The following DACH2 variants were observed in gnomAD, a reference collection of about 807,000 sequenced individuals.
DACH2 encodes dachshund homolog 2.
Under a neutral mutation model 35.8 loss-of-function variants are expected in DACH2, and 17 were observed. The ratio of observed to expected loss-of-function variants is 0.48; its 90% CI spans 0.33 to 0.71. The LOEUF (loss-of-function observed/expected upper bound fraction) is 0.71, where lower values mean the gene tolerates loss of function less well. DACH2 is among the 30% of genes least tolerant of loss of function. DACH2 has a pLI of 0.02. For synonymous variants in DACH2, 195 were observed against 177.3 expected, an observed-to-expected ratio of 1.10 and a Z score of -0.79; for missense variants, 469 against 472.7, an observed-to-expected ratio of 0.99 and a Z score of 0.07.
chrX:86,212,468 C>T (rs188141306), intron 1 of DACH2, among the ~76,000 whole-genome samples: 39 of 110,894 alleles, frequency 3.5e-4, no homozygotes, highest in African/African-American at 1.2e-3. Flanking sequence ...ATAACATATA[C>T]CTAATGTATG....
At chrX:86,735,302 T>C (rs2041583461) in intron 6 of DACH2, among the ~76,000 whole-genome samples, 2 of 111,633 alleles carry the variant, frequency 1.8e-5, no homozygotes, top group Non-Finnish European at 3.8e-5. Flanking sequence ...TCTATGAACA[T>C]GGTCAGAGTT....
intron 3 of DACH2, among the ~76,000 whole-genome samples, chrX:86,563,494 A>G (rs1166168885): frequency 9.0e-6 from 1 of 111,180 alleles, no homozygotes; most frequent in Non-Finnish European, 1.9e-5. Context: ...AATTAATTTG[A>G]AAATGTAATA....
At chrX:86,811,770 T>C (rs772324698) in intron 7 of DACH2, among the ~76,000 whole-genome samples, 155 of 112,211 alleles carry the variant, frequency 1.4e-3, no homozygotes, top group African/African-American at 4.8e-3. Flanking sequence ...ATCTAATTCG[T>C]ACAGGTCATA....
intron 1 of DACH2, among the ~76,000 whole-genome samples, chrX:86,206,656 T>A (rs2032320127): frequency 8.9e-6 from 1 of 112,291 alleles, no homozygotes; most frequent in Non-Finnish European, 1.9e-5. Flanking sequence ...CATGGCAAAG[T>A]CATTTAGCCT....
chrX:86,364,900 C>T (rs776497525), intron 1 of DACH2, among the ~76,000 whole-genome samples: 2 of 110,960 alleles, frequency 1.8e-5, no homozygotes, highest in African/African-American at 6.5e-5. Flanking sequence ...AAAGAAGATG[C>T]TCATGTGTTA....
intron 2 of DACH2, among the ~76,000 whole-genome samples, chrX:86,476,335 C>T (rs1365441415): frequency 9.0e-6 from 1 of 111,339 alleles, no homozygotes; most frequent in East Asian, 2.8e-4. Context: ...CTTTTTATTA[C>T]AGCTTGTTAT....
intron 11 of DACH2, among the ~76,000 whole-genome samples, chrX:86,816,972 G>A (rs754864750): frequency 8.9e-6 from 1 of 112,137 alleles, no homozygotes; most frequent in South Asian, 3.7e-4. Flanking sequence ...TCTCCTATGT[G>A]ATGAGTGGAT....
At chrX:86,213,806 C>T (rs1453888636) in intron 1 of DACH2, among the ~76,000 whole-genome samples, 3 of 111,012 alleles carry the variant, frequency 2.7e-5, no homozygotes, top group Admixed American at 1.9e-4. Context: ...ATTCCAGCTG[C>T]CTTCAGTATT....
At chrX:86,724,110 C>T (rs1010244938) in intron 6 of DACH2, among the ~76,000 whole-genome samples, 3 of 111,290 alleles carry the variant, frequency 2.7e-5, no homozygotes, top group African/African-American at 9.8e-5. Context: ...ACTTACATTC[C>T]AGGTTATTGT....
Position 86,291,543 on chromosome X carries a change from A to G in DACH2, c.489-85281A>G, listed in dbSNP as rs1221794171. 2.8e-5 allele frequency among the ~76,000 whole-genome samples: 3 copies of G among 107,834 alleles called. No homozygotes were observed. In the East Asian group the frequency reaches 8.8e-4, roughly 32 times the overall value. 93.6% of individuals were successfully genotyped at this position (107,834 alleles called of 115,157 possible). A position where few individuals can be genotyped will look rare whatever the true frequency, so the allele number is the denominator to read the frequency against. On this transcript the variant is annotated intron_variant, in intron 1 of 11. Transcript: ENST00000373125. ...TGCTTCCAGTTTTTGCCCATTCAGT[A>G]TGATATTGTCTGTGGGTTTGTCATA... is the stretch of plus-strand genomic sequence containing the variant.
chrX:86,361,302 G>A (rs1278479723), intron 1 of DACH2, among the ~76,000 whole-genome samples: 1 of 111,457 alleles, frequency 9.0e-6, no homozygotes, highest in Non-Finnish European at 1.9e-5. Flanking sequence ...TATATCTGAA[G>A]ACGATGGTTA....
chrX:86,157,168 T>G (rs999686883), intron 1 of DACH2, among the ~76,000 whole-genome samples: 1 of 111,565 alleles, frequency 9.0e-6, no homozygotes, highest in Non-Finnish European at 1.9e-5. Context: ...TAAAAAATAA[T>G]AAGCCACAGT....
intron 1 of DACH2, among the ~76,000 whole-genome samples, chrX:86,287,569 G>A (rs1262715872): frequency 9.0e-6 from 1 of 111,129 alleles, no homozygotes; most frequent in Non-Finnish European, 1.9e-5. Context: ...GGTGTGCTTC[G>A]TTGTTTTTGT....
At chrX:86,300,590 A>G (rs1198940232) in intron 1 of DACH2, among the ~76,000 whole-genome samples, 1 of 110,644 alleles carries the variant, frequency 9.0e-6, no homozygotes, top group Non-Finnish European at 1.9e-5. Context: ...AATGTAAATG[A>G]TGAGTTAATG....
chrX:86,741,937 C>T lies in DACH2; in HGVS notation c.1240+2055C>T, dbSNP rs182962554. Reference sequence around the variant, plus strand: ...CAGATAGTTTATTTGTACTTCACCACAGGGTAAATTTTTCTATCTACTAAA... The same window carrying T: ...CAGATAGTTTATTTGTACTTCACCATAGGGTAAATTTTTCTATCTACTAAA... On this transcript the variant is annotated intron_variant, in intron 7 of 11. Coordinates refer to ENST00000373125, the MANE Select transcript of DACH2 (RefSeq NM_053281.3). 8.9e-3 allele frequency among the ~76,000 whole-genome samples: 980 copies of T among 110,519 alleles called. 5 individuals are homozygous for T. Among genetic ancestry groups the T allele is most frequent in the Non-Finnish European group, 0.013 (705 of 52,687 alleles).
At chrX:86,814,892 A>C (rs1432743734) in intron 10 of DACH2, 58 bp downstream of exon 10, 3 of 1,084,387 alleles carry the variant, frequency 2.8e-6, no homozygotes, top group Middle Eastern at 2.5e-4. Flanking sequence ...TGATTGAAGA[A>C]AAATAGAAGA....
In DACH2 at chrX:86,651,021, T is replaced by A; in HGVS notation, c.641-15T>A. The A allele has an allele frequency of 9.3e-6, 11 of 1,180,676 alleles. No individual in the cohort carries two copies. Among genetic ancestry groups the A allele is most frequent in the Non-Finnish European group, 1.1e-5 (10 of 879,899 alleles). On this transcript the variant is annotated splice_polypyrimidine_tract_variant and intron_variant, in intron 3 of 11. Transcript: ENST00000373125. ...ATATAAATAAATAAATGGAATGGAATAATTCTGCTTTTAGGTATAACAGCT... is the reference window on the plus strand; with the variant it reads ...ATATAAATAAATAAATGGAATGGAAAAATTCTGCTTTTAGGTATAACAGCT...
intron 2 of DACH2, among the ~76,000 whole-genome samples, chrX:86,401,867 A>C (rs2036440145): frequency 8.9e-6 from 1 of 112,021 alleles, no homozygotes; most frequent in Non-Finnish European, 1.9e-5. Flanking sequence ...CCCAGGATGC[A>C]ATGTTGGTTC....
At chrX:86,257,608 A>G (rs1303829341) in intron 1 of DACH2, among the ~76,000 whole-genome samples, 3 of 111,203 alleles carry the variant, frequency 2.7e-5, no homozygotes, top group South Asian at 3.8e-4. Context: ...GGGTTTTACT[A>G]TATTTCCCAG....
Sources: allele counts gnomAD v4.1 joint callset (sites outside exome capture counted in the v4.1 genomes callset), GRCh38; gene constraint gnomAD v4.1.1; transcripts MANE v1.5; gene names NCBI Gene and HGNC (gene_info 2026-07-23, HGNC 2026-07-21).